The following GALNTL6 variants were observed in gnomAD, a reference collection of about 807,000 sequenced individuals.
The protein encoded by GALNTL6 is polypeptide N-acetylgalactosaminyltransferase like 6.
In GALNTL6, 46 loss-of-function variants were observed where a neutral mutation model predicts 73.7. That is an observed-to-expected ratio of 0.62 (90% CI 0.49 to 0.80). GALNTL6 has a LOEUF of 0.80. Among genes scored for constraint, GALNTL6 ranks in the 30% least tolerant of loss-of-function variants. The pLI is 0.00. For synonymous variants in GALNTL6, 259 were observed against 263.7 expected (o/e 0.98, Z 0.17); for missense variants, 604 against 755.0 (o/e 0.80, Z 2.34).
At chr4:172,423,346 A>C (rs1374972690) in intron 5 of GALNTL6, among the ~76,000 whole-genome samples, 1 of 151,976 alleles carries the variant, frequency 6.6e-6, no homozygotes, top group Admixed American at 6.6e-5. Flanking sequence ...ATGGTGATCC[A>C]TTTGGCATTA....
At chr4:172,881,682 T>A (rs186987318) in intron 7 of GALNTL6, among the ~76,000 whole-genome samples, 37 of 152,354 alleles carry the variant, frequency 2.4e-4, no homozygotes, top group African/African-American at 7.9e-4. Context: ...TGTACTGTTA[T>A]TTATAAATAT....
intron 5 of GALNTL6, among the ~76,000 whole-genome samples, chr4:172,612,992 TC>T (rs1738586016): frequency 6.6e-6 from 1 of 152,040 alleles, no homozygotes; most frequent in Admixed American, 6.6e-5. Flanking sequence ...ATTACCCCTC[TC>T]CCTGCAGTCA....
intron 5 of GALNTL6, among the ~76,000 whole-genome samples, chr4:172,745,121 T>C (rs1198687522): frequency 6.6e-6 from 1 of 151,768 alleles, no homozygotes; most frequent in African/African-American, 2.4e-5. Context: ...GAACACCCTT[T>C]TTTCTCTCAA....
chr4:171,822,298 GTTC>G (rs1308870477), intron 2 of GALNTL6, among the ~76,000 whole-genome samples: 1 of 152,116 alleles, frequency 6.6e-6, no homozygotes, highest in Non-Finnish European at 1.5e-5. Context: ...CATTGTGCCT[GTTC>G]TTCTTATAAA....
intron 7 of GALNTL6, among the ~76,000 whole-genome samples, chr4:172,873,874 G>A (rs1745064470): frequency 6.6e-6 from 1 of 152,202 alleles, no homozygotes; most frequent in South Asian, 2.1e-4. Context: ...GCCACATGCA[G>A]TAAATTTTTG....
At chr4:171,889,083 T>C (rs1736686909) in intron 2 of GALNTL6, among the ~76,000 whole-genome samples, 1 of 152,068 alleles carries the variant, frequency 6.6e-6, no homozygotes, top group African/African-American at 2.4e-5. Context: ...GGGTCTCTAG[T>C]ATTTAGCAGC....
At chr4:172,891,856 T>C (rs907714032) in intron 8 of GALNTL6, among the ~76,000 whole-genome samples, 2 of 152,214 alleles carry the variant, frequency 1.3e-5, no homozygotes, top group Non-Finnish European at 2.9e-5. Context: ...TTTATTTTTG[T>C]CTGACTGGGT....
chr4:172,281,698 G>A (rs941490623), intron 3 of GALNTL6, among the ~76,000 whole-genome samples: 2 of 152,144 alleles, frequency 1.3e-5, no homozygotes, highest in African/African-American at 4.8e-5. Flanking sequence ...GCGTCAGAGT[G>A]AGACCTTGTC....
intron 2 of GALNTL6, among the ~76,000 whole-genome samples, chr4:172,132,586 C>A (rs898455092): frequency 2.0e-5 from 3 of 152,034 alleles, no homozygotes; most frequent in African/African-American, 7.2e-5. Context: ...TTTTTCTATT[C>A]TCCCATGTCC....
At chr4:171,936,888 C>G (rs1438543829) in intron 2 of GALNTL6, among the ~76,000 whole-genome samples, 1 of 152,096 alleles carries the variant, frequency 6.6e-6, no homozygotes, top group Non-Finnish European at 1.5e-5. Flanking sequence ...ATAAAAGCCT[C>G]TATGATTACA....
intron 3 of GALNTL6, among the ~76,000 whole-genome samples, chr4:172,280,943 G>A (rs998120783): frequency 6.6e-6 from 1 of 151,024 alleles, no homozygotes; most frequent in African/African-American, 2.4e-5. Flanking sequence ...GGTGGATCAC[G>A]AGGTCAGGAG....
intron 5 of GALNTL6, among the ~76,000 whole-genome samples, chr4:172,562,583 T>C (rs1736413812): frequency 6.6e-6 from 1 of 152,200 alleles, no homozygotes; most frequent in Non-Finnish European, 1.5e-5. Context: ...CTGCTGAATG[T>C]CCTATGAGAA....
intron 2 of GALNTL6, among the ~76,000 whole-genome samples, chr4:172,126,696 C>T (rs1733305265): frequency 6.6e-6 from 1 of 152,170 alleles, no homozygotes; most frequent in Non-Finnish European, 1.5e-5. Context: ...GGAGACCACA[C>T]AAAGGCATTG....
At chr4:172,526,981 A>T (rs541685954) in intron 5 of GALNTL6, among the ~76,000 whole-genome samples, 6 of 152,250 alleles carry the variant, frequency 3.9e-5, no homozygotes, top group African/African-American at 1.4e-4. Flanking sequence ...TGGCCCCTGG[A>T]TGATACAGTC....
At chr4:172,553,566 G>T (rs939209926) in intron 5 of GALNTL6, among the ~76,000 whole-genome samples, 9 of 152,092 alleles carry the variant, frequency 5.9e-5, no homozygotes, top group African/African-American at 2.2e-4. Context: ...ACTCCTGTTA[G>T]TAATATCATG....
chr4:172,958,247 G>A (rs1389978699), intron 10 of GALNTL6, among the ~76,000 whole-genome samples: 1 of 152,208 alleles, frequency 6.6e-6, no homozygotes, highest in Non-Finnish European at 1.5e-5. Context: ...GCCGCTGCAC[G>A]CAGACTTGAG....
chr4:172,130,705 CAT>C (rs1733465037), intron 2 of GALNTL6, among the ~76,000 whole-genome samples: 1 of 151,982 alleles, frequency 6.6e-6, no homozygotes, highest in African/African-American at 2.4e-5. Context: ...AATTTAATCA[CAT>C]GATTTTTAAC....
intron 2 of GALNTL6, among the ~76,000 whole-genome samples, chr4:171,941,020 G>A (rs945221718): frequency 6.6e-6 from 1 of 151,870 alleles, no homozygotes; most frequent in Non-Finnish European, 1.5e-5. Flanking sequence ...TAAAAGTCAG[G>A]AGTCAATACC....
intron 3 of GALNTL6, among the ~76,000 whole-genome samples, chr4:172,238,318 C>T (rs1037186305): frequency 6.6e-6 from 1 of 152,144 alleles, no homozygotes; most frequent in African/African-American, 2.4e-5. Context: ...TCTTTCACCT[C>T]TCTGGTTAGC....
Sources: allele counts gnomAD v4.1 joint callset (sites outside exome capture counted in the v4.1 genomes callset), GRCh38; gene constraint gnomAD v4.1.1; transcripts MANE v1.5; gene names NCBI Gene and HGNC (gene_info 2026-07-23, HGNC 2026-07-21).